Variants in SNX32 observed in about 807,000 individuals in gnomAD.
SNX32 encodes the protein sorting nexin-32.
SNX32 carries 58 observed loss-of-function variants against 57.0 expected under a neutral mutation model. The observed-to-expected ratio is 1.02, with a 90% CI of 0.82 to 1.27. The LOEUF is 1.27. Among genes scored for constraint, SNX32 ranks in the 50% most tolerant of loss-of-function variants. The pLI, the probability that SNX32 is intolerant of heterozygous loss-of-function variation, is 0.00. For missense variants in SNX32, 589 were observed against 541.2 expected (o/e 1.09, Z -0.88); for synonymous variants, 262 against 220.4 (o/e 1.19, Z -1.67).
chr11:65,839,215 AT>A (rs1555032605), intron 1 of SNX32, among the ~76,000 whole-genome samples: 3 of 19,530 alleles, frequency 1.5e-4, no homozygotes, highest in Non-Finnish European at 2.4e-4. Flanking sequence ...CGCCCAGCTA[AT>A]TTTTTTGTAT....
intron 6 of SNX32, 71 bp downstream of exon 6, chr11:65,850,926 T>C (rs1859165887): frequency 4.5e-6 from 7 of 1,541,862 alleles, no homozygotes; most frequent in Non-Finnish European, 6.3e-6. Flanking sequence ...AGGCCCAGGC[T>C]GGGTGTGGGA....
intron 8 of SNX32, 33 bp from the exon 9 acceptor site, chr11:65,851,607 C>A (rs770627158): frequency 6.2e-7 from 1 of 1,613,316 alleles, no homozygotes; most frequent in Non-Finnish European, 8.5e-7. Flanking sequence ...TTCCTCAGCC[C>A]CCTACCCTAA....
At chr11:65,852,330 A>C in intron 9 of SNX32, 135 bp from the exon 10 acceptor site, 1 of 762,654 alleles carries the variant, frequency 1.3e-6, no homozygotes. Context: ...CCTGGCCTGC[A>C]CCCCTCAACA....
At chr11:65,850,675 T>C in intron 5 of SNX32, 76 bp from the exon 6 acceptor site, 3 of 1,579,126 alleles carry the variant, frequency 1.9e-6, no homozygotes, top group Non-Finnish European at 2.6e-6. Flanking sequence ...GTGTCACAGC[T>C]CCGTGAGTGG....
rs1173784488 is a variant in SNX32, at chr11:65,850,151, TC to T, written c.260del (p.Pro87GlnfsTer33). The T allele has an allele frequency of 3.1e-6, 5 of 1,613,888 alleles. No homozygotes were observed. Among genetic ancestry groups the T allele is most frequent in the Non-Finnish European group, 4.2e-6 (5 of 1,179,958 alleles). ...VENEEYAGLI[I>X]PPAPPRPDFE... ...CAGCTCCGTCCCTCCTTTGAGCAGATCCCCCCAGCCCCTCCGAGGCCAGACT... is the reference window on the plus strand; with the variant it reads ...CAGCTCCGTCCCTCCTTTGAGCAGATCCCCCAGCCCCTCCGAGGCCAGACT... On this transcript the variant is annotated frameshift_variant and splice_region_variant, in exon 4 of 13. Transcript: ENST00000308342. LOFTEE classifies it high-confidence loss of function.
intron 12 of SNX32, 63 bp downstream of exon 12, chr11:65,853,021 C>T: frequency 6.4e-7 from 1 of 1,552,554 alleles, no homozygotes; most frequent in Non-Finnish European, 8.9e-7. Context: ...CCTCCCTCCC[C>T]CAGGCACCAG....
chr11:65,851,119 A>G lies in SNX32; in HGVS notation c.668A>G (p.Asp223Gly). 1 of 1,613,638 alleles carries G rather than the reference A, an allele frequency of 6.2e-7. No homozygotes were observed. The highest frequency in any genetic ancestry group is 8.5e-7 in the Non-Finnish European group (1 of 1,180,004). ...FLLEYHTRIRDACLRADRVMR... is the reference protein window; with the variant it reads ...FLLEYHTRIRGACLRADRVMR... ...TTGGAGTATCACACCCGTATCCGAG[A>G]TGCCTGCCTGCGGGCCGACCGCGTC... Residue 223 changes from aspartate (D) to glycine (G), a missense_variant, in exon 7 of 13, where the codon GAT becomes GGT. Physicochemically the swap from Asp to Gly is moderately conservative, Grantham distance 94 (BLOSUM62 -1). Coordinates refer to ENST00000308342, the MANE Select transcript of SNX32 (RefSeq NM_152760.3).
chr11:65,853,638 A>G lies in SNX32; in HGVS notation c.*303A>G, dbSNP rs1859304622. On this transcript the variant is annotated 3_prime_UTR_variant, in exon 13 of 13. Transcript: ENST00000308342. ...CTACCCTCACCCATAGCCCTGAAGG[A>G]ATCATAGCTCACTTGATCCCGGCCT... 1 of 476,142 alleles carries G rather than the reference A, an allele frequency of 2.1e-6. No homozygotes were observed. Among genetic ancestry groups the G allele is most frequent in the Non-Finnish European group, 3.8e-6 (1 of 262,836 alleles). The allele number at this position is 476,142 out of a possible 1,614,324, so 29.5% of individuals were successfully genotyped here.
intron 1 of SNX32, among the ~76,000 whole-genome samples, chr11:65,848,110 C>A (rs149260679): frequency 1.6e-3 from 251 of 152,218 alleles, no homozygotes; most frequent in African/African-American, 6.0e-3. Context: ...TATCACCAAG[C>A]CCCATCTCAG....
intron 1 of SNX32, among the ~76,000 whole-genome samples, chr11:65,844,450 AT>A (rs757952533): frequency 1.0e-4 from 15 of 146,948 alleles, no homozygotes; most frequent in Non-Finnish European, 1.7e-4. Flanking sequence ...AAAAAAAAAA[AT>A]AATAAATAGA....
rs148906644 is a variant in SNX32 at position 65,853,330 on chromosome 11, C to A, written c.1207C>A (p.Pro403Thr). 2.1e-4 allele frequency: 342 copies of A among 1,614,028 alleles called. 1 individual carries two copies. The African/African-American group carries it at 4.1e-3, about 20-fold the overall frequency. Residue 403 changes from proline (P) to threonine (T), a missense_variant, in exon 13 of 13, where the codon CCT becomes ACT. Pro to Thr is a conservative substitution (Grantham distance 38). Coordinates refer to ENST00000308342, the MANE Select transcript of SNX32 (RefSeq NM_152760.3). ...RNTLVALKGE[P>T] ...CACCCTTGTTGCCCTAAAGGGGGAG[C>A]CTTAGAGTAGCCAGAGCTCAGCCAG...
chr11:65,848,440 C>T (rs1859062709), intron 1 of SNX32, among the ~76,000 whole-genome samples: 1 of 149,814 alleles, frequency 6.7e-6, no homozygotes, highest in Non-Finnish European at 1.5e-5. Flanking sequence ...CATGGTGGTA[C>T]ATGCCTGTAG....
chr11:65,853,096 G>C (rs904137684), intron 12 of SNX32, 138 bp downstream of exon 12: 1 of 1,269,418 alleles, frequency 7.9e-7, no homozygotes, highest in Non-Finnish European at 1.1e-6. Flanking sequence ...AGGAGCCCCA[G>C]CTAAGGCTTG....
rs778010006 is a variant in SNX32 at position 65,850,000 on chromosome 11, C to A, written c.222C>A (p.Tyr74Ter). The change falls in exon 3 of 13, where the codon TAC becomes TAA. Residue 74 changes from tyrosine (Y) to a stop codon, truncating the protein, a stop_gained. Transcript: ENST00000308342. LOFTEE classifies it high-confidence loss of function. ...AGTTCATCTGGCTGCATGATGCCTA[C>A]GTGGAGAATGAGGAGTACGCCGGCC... ...HEEFIWLHDA[Y>*]VENEEYAGLI... is the part of the protein sequence containing the mutation. 6.2e-7 allele frequency: 1 copy of A among 1,613,744 alleles called. No individual in the cohort carries two copies. Among genetic ancestry groups the A allele is most frequent in the Non-Finnish European group, 8.5e-7 (1 of 1,179,718 alleles).
At chr11:65,841,461 C>G (rs774430305) in intron 1 of SNX32, among the ~76,000 whole-genome samples, 9 of 152,276 alleles carry the variant, frequency 5.9e-5, no homozygotes, top group Non-Finnish European at 1.3e-4. Flanking sequence ...TGGCCTTGAA[C>G]TCCTTGGCTC....
intron 1 of SNX32, among the ~76,000 whole-genome samples, chr11:65,843,566 CAAAAGA>C (rs767755700): frequency 2.0e-3 from 298 of 152,026 alleles, no homozygotes; most frequent in Admixed American, 2.8e-3. Flanking sequence ...GACTCTGTCT[CAAAAGA>C]AAAAGAAAAA....
At chr11:65,848,252 C>T (rs1859056421) in intron 1 of SNX32, among the ~76,000 whole-genome samples, 2 of 152,108 alleles carry the variant, frequency 1.3e-5, no homozygotes, top group African/African-American at 4.8e-5. Flanking sequence ...TAAGCCTCTT[C>T]CCTTCCCCCT....
intron 8 of SNX32, 100 bp from the exon 9 acceptor site, chr11:65,851,540 A>T: frequency 6.5e-7 from 1 of 1,538,550 alleles, no homozygotes; most frequent in Admixed American, 1.7e-5. Flanking sequence ...GGTGTTGGGA[A>T]GGAAAGGGGA....
chr11:65,852,558 G>A lies in SNX32; in HGVS notation c.912+7G>A, dbSNP rs1383420733. On this transcript the variant is annotated splice_region_variant and intron_variant, in intron 10 of 12. Transcript: ENST00000308342. The stretch of plus-strand genomic sequence containing the variant: ...TGACTCACAGGCAGCCAAGGTGAGA[G>A]GCAGCCCCAGCGCAGCGCTCAGGCC... The A allele has an allele frequency of 3.7e-6, 6 of 1,614,052 alleles. No homozygotes were observed. The highest frequency in any genetic ancestry group is 1.1e-5 in the South Asian group (1 of 91,088).
Sources: gnomAD v4.1 joint callset for allele counts (sites outside exome capture counted in the v4.1 genomes callset) on GRCh38, gnomAD v4.1.1 for gene constraint, MANE v1.5 for transcripts, NCBI Gene and HGNC (gene_info 2026-07-23, HGNC 2026-07-21) for gene names.